UPP2: variants seen among roughly 807,000 people sequenced by gnomAD.
UPP2 encodes the protein uridine phosphorylase 2.
In UPP2, 23 loss-of-function variants were observed where a neutral mutation model predicts 26.7. The observed-to-expected ratio is 0.86, with a 90% CI of 0.62 to 1.22. UPP2 has a LOEUF of 1.22. Among genes scored for constraint, UPP2 ranks in the 50% most tolerant of loss-of-function variants. The pLI is 0.00. For missense variants in UPP2, 387 were observed against 396.7 expected (o/e 0.98, Z 0.21); for synonymous variants, 127 against 141.3 (o/e 0.90, Z 0.72).
At chr2:158,082,107 T>C (rs1030143116) in intron 3 of UPP2, among the ~76,000 whole-genome samples, 2 of 151,934 alleles carry the variant, frequency 1.3e-5, no homozygotes, top group Non-Finnish European at 2.9e-5. Flanking sequence ...CCCATTACCA[T>C]GCCCGGGTAA....
chr2:158,083,204 G>A (rs1361000637), intron 3 of UPP2, among the ~76,000 whole-genome samples: 1 of 152,140 alleles, frequency 6.6e-6, no homozygotes, highest in Non-Finnish European at 1.5e-5. Context: ...TCCCATTACT[G>A]GGTATACACC....
chr2:158,080,512 A>G (rs1574279456), intron 3 of UPP2, among the ~76,000 whole-genome samples: 1 of 152,162 alleles, frequency 6.6e-6, no homozygotes, highest in East Asian at 1.9e-4. Context: ...TTCTGAATAC[A>G]ATTACTTTCC....
chr2:158,039,707 C>G (rs1684058193), intron 3 of UPP2, among the ~76,000 whole-genome samples: 1 of 152,150 alleles, frequency 6.6e-6, no homozygotes, highest in East Asian at 1.9e-4. Flanking sequence ...AGTCTTAGAC[C>G]CCACTCCAAA....
At chr2:158,019,368 G>A (rs778982375) in intron 3 of UPP2, among the ~76,000 whole-genome samples, 4 of 152,074 alleles carry the variant, frequency 2.6e-5, no homozygotes, top group Non-Finnish European at 4.4e-5. Flanking sequence ...TCCATTGCTG[G>A]AGGACGGAGC....
chr2:158,017,618 T>G (rs1198647751), intron 3 of UPP2, among the ~76,000 whole-genome samples: 3 of 152,230 alleles, frequency 2.0e-5, no homozygotes, highest in Non-Finnish European at 4.4e-5. Context: ...TAGCTGAGTG[T>G]TGAAACTGGG....
intron 3 of UPP2, among the ~76,000 whole-genome samples, chr2:158,081,229 A>T (rs1682718934): frequency 6.6e-6 from 1 of 152,224 alleles, no homozygotes; most frequent in Admixed American, 6.5e-5. Flanking sequence ...CTTAACAAAG[A>T]TAGAGGATAT....
At chr2:158,128,921 C>T (rs2105233049) in intron 6 of UPP2, among the ~76,000 whole-genome samples, 1 of 151,950 alleles carries the variant, frequency 6.6e-6, no homozygotes, top group Middle Eastern at 3.4e-3. Context: ...CCTCATTTTG[C>T]CAAGAAAATC....
At chr2:158,045,865 G>A (rs1022952538) in intron 3 of UPP2, among the ~76,000 whole-genome samples, 4 of 152,050 alleles carry the variant, frequency 2.6e-5, no homozygotes, top group African/African-American at 4.8e-5. Context: ...GGTACCAGCC[G>A]CCAATTGTAG....
chr2:158,102,238 A>C (rs1683091631), intron 1 of UPP2, 113 bp downstream of exon 1: 1 of 1,097,534 alleles, frequency 9.1e-7, no homozygotes, highest in Non-Finnish European at 1.3e-6. Flanking sequence ...TTAAATGTAG[A>C]GATTATATCA....
At chr2:158,124,201 T>C (rs952237711) in intron 6 of UPP2, among the ~76,000 whole-genome samples, 14 of 152,296 alleles carry the variant, frequency 9.2e-5, no homozygotes, top group African/African-American at 2.9e-4. Flanking sequence ...ATTGAATTTA[T>C]TGAGACAAGA....
chr2:158,050,408 C>A (rs1682133293), intron 3 of UPP2, among the ~76,000 whole-genome samples: 1 of 151,238 alleles, frequency 6.6e-6, no homozygotes. Context: ...TTTAAATGTA[C>A]TAGTCTATCT....
At chr2:158,031,937 T>C (rs1683927362) in intron 3 of UPP2, among the ~76,000 whole-genome samples, 1 of 152,186 alleles carries the variant, frequency 6.6e-6, no homozygotes, top group Non-Finnish European at 1.5e-5. Flanking sequence ...GATACCTCCC[T>C]CGAGTATGTT....
intron 5 of UPP2, among the ~76,000 whole-genome samples, chr2:158,121,990 C>A (rs933977470): frequency 6.6e-6 from 1 of 151,956 alleles, no homozygotes; most frequent in Admixed American, 6.6e-5. Context: ...TCCTGTCCCC[C>A]GGAAACAGTG....
intron 2 of UPP2, among the ~76,000 whole-genome samples, chr2:158,112,038 A>G (rs1481586384): frequency 6.6e-6 from 1 of 152,156 alleles, no homozygotes; most frequent in Non-Finnish European, 1.5e-5. Flanking sequence ...TACCAAAAAT[A>G]TTCTACAGAT....
intron 2 of UPP2, among the ~76,000 whole-genome samples, chr2:157,996,956 T>C (rs1345163630): frequency 6.6e-6 from 1 of 152,244 alleles, no homozygotes; most frequent in Non-Finnish European, 1.5e-5. Context: ...TCTCAAGTAA[T>C]ATTGTTTAAT....
At position 158,041,658 on chromosome 2, in the gene UPP2, A is replaced by T. The variant is rs183463909; in HGVS notation, c.147+25772A>T. Among the ~76,000 whole-genome samples the T allele has an allele frequency of 3.9e-5, 6 of 152,356 alleles. No homozygotes were observed. In the East Asian group the frequency reaches 1.2e-3, roughly 29 times the overall value. On this transcript the variant is annotated intron_variant, in intron 3 of 9. Coordinates refer to the UPP2 transcript ENST00000605860. ...CAACAAAGATCTTGATGCCAGTGTG[A>T]GGGTAGACAACAGCATAAGTGGAAA...
chr2:158,104,541 A>G (rs1683140029), intron 1 of UPP2, among the ~76,000 whole-genome samples: 1 of 152,160 alleles, frequency 6.6e-6, no homozygotes, highest in African/African-American at 2.4e-5. Flanking sequence ...GCTCCCTGGT[A>G]ATTTTAATGC....
At chr2:158,007,226 C>A (rs1683505709) in intron 2 of UPP2, among the ~76,000 whole-genome samples, 1 of 152,154 alleles carries the variant, frequency 6.6e-6, no homozygotes, top group Non-Finnish European at 1.5e-5. Context: ...GCGGTGCTAT[C>A]ATTATACTCA....
intron 3 of UPP2, among the ~76,000 whole-genome samples, chr2:158,016,441 A>G (rs1488365037): frequency 6.6e-6 from 1 of 151,948 alleles, no homozygotes; most frequent in Admixed American, 6.5e-5. Flanking sequence ...CCTGGGTTCA[A>G]GCGATTCTCC....
Sources: allele counts gnomAD v4.1 joint callset (sites outside exome capture counted in the v4.1 genomes callset), GRCh38; gene constraint gnomAD v4.1.1; transcripts MANE v1.5; gene names NCBI Gene and HGNC (gene_info 2026-07-23, HGNC 2026-07-21).